Variants in USO1 observed in about 807,000 individuals in gnomAD.
USO1 encodes general vesicular transport factor p115.
USO1 carries 57 observed loss-of-function variants against 124.5 expected under a neutral mutation model. The ratio of observed to expected loss-of-function variants is 0.46; its 90% CI spans 0.37 to 0.57. The LOEUF is 0.57. USO1 is among the 20% of genes least tolerant of loss of function. The pLI is 0.00. For missense variants in USO1, 900 were observed against 1,040.6 expected (o/e 0.86, Z 1.86); for synonymous variants, 369 against 362.8 (o/e 1.02, Z -0.19).
At chr4:75,739,220 A>G (rs1056475070) in intron 1 of USO1, among the ~76,000 whole-genome samples, 4 of 152,180 alleles carry the variant, frequency 2.6e-5, no homozygotes, top group East Asian at 1.9e-4. Context: ...TTATCTTTCC[A>G]TTTTGCAGAT....
chr4:75,732,377 T>C (rs1315144250), intron 1 of USO1, among the ~76,000 whole-genome samples: 2 of 152,208 alleles, frequency 1.3e-5, no homozygotes, highest in Non-Finnish European at 2.9e-5. Flanking sequence ...CCATGGCATA[T>C]ATGTACTGCA....
At chr4:75,788,900 A>G (rs915282009) in intron 10 of USO1, among the ~76,000 whole-genome samples, 33 of 152,166 alleles carry the variant, frequency 2.2e-4, no homozygotes, top group African/African-American at 6.8e-4. Context: ...TTGCTCTTTC[A>G]TGTCTGAAAA....
rs55928639 is a variant in USO1 at position 75,734,718 on chromosome 4, C to CTTTTTTTTTTTTTTTTTTTTTTTTTTT, written c.66+9835_66+9861dup. Among the ~76,000 whole-genome samples the CTTTTTTTTTTTTTTTTTTTTTTTTTTT allele has an allele frequency of 6.3e-5, 3 of 47,450 alleles. 1 individual carries two copies. The highest frequency in any genetic ancestry group is 1.1e-4 in the Non-Finnish European group (3 of 28,018). 31.1% of individuals were successfully genotyped at this position (47,450 alleles called of 152,430 possible). On this transcript the variant is annotated intron_variant, in intron 1 of 23. Coordinates refer to ENST00000514213, the MANE Select transcript of USO1 (RefSeq NM_003715.4). ...CTGTAGATTGCTTTGGGCAGTATGGCTTTTTTTTTTTTTTTTTTTTTTTTT... is the reference window on the plus strand; with the variant it reads ...CTGTAGATTGCTTTGGGCAGTATGGCTTTTTTTTTTTTTTTTTTTTTTTTTTTTTTTTTTTTTTTTTTTTTTTTTTTT...
rs1248420778 is a variant in USO1 at position 75,810,508 on chromosome 4, C to T, written c.2552C>T (p.Ser851Leu). ...TKTTDVEGRL[S>L]ALLQETKELK... ...ACTACTGATGTAGAAGGAAGACTGT[C>T]AGCATTATTACAAGAGACCAAAGAG... Residue 851 changes from serine (S) to leucine (L), a missense_variant, in exon 22 of 24, where the codon TCA becomes TTA. Ser to Leu is a moderately radical substitution (Grantham distance 145). Transcript: ENST00000514213. 1 of 1,612,670 alleles carries T rather than the reference C, an allele frequency of 6.2e-7. No homozygotes were observed. The highest frequency in any genetic ancestry group is 1.3e-5 in the African/African-American group (1 of 74,862).
At chr4:75,784,845 A>G (rs1481517893) in intron 9 of USO1, among the ~76,000 whole-genome samples, 1 of 152,164 alleles carries the variant, frequency 6.6e-6, no homozygotes, top group Non-Finnish European at 1.5e-5. Context: ...TAAACAGAAA[A>G]ATACAGTATT....
At chr4:75,812,621 A>C (rs1317260611) in intron 23 of USO1, among the ~76,000 whole-genome samples, 4 of 151,970 alleles carry the variant, frequency 2.6e-5, no homozygotes, top group Non-Finnish European at 1.5e-5. Context: ...AAGTGAATTG[A>C]TTTGATTGGT....
At chr4:75,749,053 T>C (rs980549897) in intron 1 of USO1, among the ~76,000 whole-genome samples, 1 of 152,102 alleles carries the variant, frequency 6.6e-6, no homozygotes, top group Non-Finnish European at 1.5e-5. Flanking sequence ...GAATGATTTT[T>C]AAATGTGAAC....
chr4:75,762,986 C>T (rs1296235787), intron 4 of USO1, among the ~76,000 whole-genome samples: 5 of 152,112 alleles, frequency 3.3e-5, no homozygotes, highest in Non-Finnish European at 5.9e-5. Context: ...CCAGTATAAA[C>T]GAAGATTATT....
chr4:75,759,348 C>T (rs1378419443), intron 4 of USO1, among the ~76,000 whole-genome samples: 1 of 142,730 alleles, frequency 7.0e-6, no homozygotes, highest in East Asian at 2.3e-4. Flanking sequence ...AATCCCAGCA[C>T]TTTGGGAGGC....
At chr4:75,748,395 C>T (rs1721194952) in intron 1 of USO1, among the ~76,000 whole-genome samples, 1 of 150,288 alleles carries the variant, frequency 6.7e-6, no homozygotes. Context: ...TGCCACATTG[C>T]CTACACTGGT....
intron 20 of USO1, among the ~76,000 whole-genome samples, chr4:75,808,363 G>A (rs1723051108): frequency 6.6e-6 from 1 of 152,204 alleles, no homozygotes; most frequent in Non-Finnish European, 1.5e-5. Context: ...AGGAAAGGAG[G>A]AACGGTTGCC....
At chr4:75,796,891 C>G (rs1187262529) in intron 13 of USO1, among the ~76,000 whole-genome samples, 1 of 105,302 alleles carries the variant, frequency 9.5e-6, no homozygotes, top group African/African-American at 4.1e-5. Flanking sequence ...TTTTTTTTTT[C>G]TGGTATGTCA....
At chr4:75,758,938 T>A (rs1224024940) in intron 4 of USO1, among the ~76,000 whole-genome samples, 2 of 152,172 alleles carry the variant, frequency 1.3e-5, no homozygotes, top group Non-Finnish European at 2.9e-5. Context: ...ATGAGAAAAT[T>A]AGATGCAACG....
At chr4:75,762,863 G>T (rs958950765) in intron 4 of USO1, among the ~76,000 whole-genome samples, 10 of 152,362 alleles carry the variant, frequency 6.6e-5, no homozygotes, top group African/African-American at 2.2e-4. Context: ...GGGAGGCGGA[G>T]CTTGCAGTGA....
At chr4:75,806,855 A>G (rs1439496963) in intron 20 of USO1, among the ~76,000 whole-genome samples, 1 of 152,188 alleles carries the variant, frequency 6.6e-6, no homozygotes, top group Non-Finnish European at 1.5e-5. Flanking sequence ...ATTTAAATTT[A>G]TAACTTGCAA....
intron 1 of USO1, among the ~76,000 whole-genome samples, chr4:75,732,666 G>C (rs6830853): frequency 0.9 from 136,618 of 151,172 alleles, 61,872 homozygotes; most frequent in African/African-American, 0.98. Flanking sequence ...ATCACGAGGT[G>C]AGGAGATCAA....
chr4:75,779,862 A>G (rs1417040075), intron 8 of USO1, among the ~76,000 whole-genome samples: 1 of 152,236 alleles, frequency 6.6e-6, no homozygotes, highest in African/African-American at 2.4e-5. Flanking sequence ...CTATTGGAAG[A>G]AGATGCCATC....
rs1723210168 is a variant in USO1 at position 75,813,556 on chromosome 4, A to G, written c.*261A>G. The G allele has an allele frequency of 7.5e-6, 2 of 265,798 alleles. No individual in the cohort carries two copies. The highest frequency in any genetic ancestry group is 1.4e-4 in the East Asian group (2 of 14,134). 16.5% of individuals were successfully genotyped at this position (265,798 alleles called of 1,614,324 possible). ...GCAAAGAGCTTCAAACACCAAAAAT[A>G]TACCATTTTAAGGCATGTGGTGACA... On this transcript the variant is annotated 3_prime_UTR_variant, in exon 24 of 24. Transcript: ENST00000514213.
intron 1 of USO1, among the ~76,000 whole-genome samples, chr4:75,742,893 C>T (rs553169576): frequency 7.2e-5 from 11 of 152,194 alleles, no homozygotes; most frequent in African/African-American, 2.6e-4. Context: ...CTTAAAACTA[C>T]TAATCGTCTT....
Sources: allele counts gnomAD v4.1 joint callset (sites outside exome capture counted in the v4.1 genomes callset), GRCh38; gene constraint gnomAD v4.1.1; transcripts MANE v1.5; gene names NCBI Gene and HGNC (gene_info 2026-07-23, HGNC 2026-07-21).